Variants in CEP112 observed in about 807,000 individuals in gnomAD.
The protein encoded by CEP112 is centrosomal protein 112, also known as centrosomal protein of 112 kDa.
Under a neutral mutation model 153.0 loss-of-function variants are expected in CEP112, and 127 were observed. The ratio of observed to expected loss-of-function variants is 0.83; its 90% CI spans 0.72 to 0.96. The LOEUF (loss-of-function observed/expected upper bound fraction) is 0.96. Among genes scored for constraint, CEP112 ranks in the 40% least tolerant of loss-of-function variants. The pLI is 0.00. For missense variants in CEP112, 1,089 were observed against 1,101.2 expected, an observed-to-expected ratio of 0.99 and a Z score of 0.16; for synonymous variants, 358 against 374.4, an observed-to-expected ratio of 0.96 and a Z score of 0.51.
chr17:65,762,296 C>G (rs1252807103), intron 21 of CEP112, among the ~76,000 whole-genome samples: 6 of 151,442 alleles, frequency 4.0e-5, no homozygotes, highest in Non-Finnish European at 7.4e-5. Flanking sequence ...TTTTTTGATC[C>G]ATTTACTTTA....
chr17:65,981,558 G>C (rs2063226054), intron 17 of CEP112, among the ~76,000 whole-genome samples: 1 of 137,794 alleles, frequency 7.3e-6, no homozygotes, highest in Non-Finnish European at 1.6e-5. Context: ...TCTTTTCTCA[G>C]TCGTGGTTTT....
intron 8 of CEP112, among the ~76,000 whole-genome samples, chr17:66,071,220 T>C (rs1217994501): frequency 1.3e-5 from 2 of 152,044 alleles, no homozygotes; most frequent in African/African-American, 2.4e-5. Flanking sequence ...GTTAACATAA[T>C]ACAAATTCAT....
At chr17:65,970,760 T>TGTTAC (rs2062713130) in intron 17 of CEP112, among the ~76,000 whole-genome samples, 1 of 150,904 alleles carries the variant, frequency 6.6e-6, no homozygotes. Flanking sequence ...ACATTACAGG[T>TGTTAC]ATGTTACATG....
chr17:65,841,675 TA>T (rs1397182463), intron 21 of CEP112, among the ~76,000 whole-genome samples: 6 of 152,030 alleles, frequency 3.9e-5, no homozygotes, highest in Non-Finnish European at 5.9e-5. Flanking sequence ...AAAGAAAAGA[TA>T]AATGTTTGAG....
intron 20 of CEP112, among the ~76,000 whole-genome samples, chr17:65,871,581 G>A (rs746105581): frequency 2.6e-5 from 4 of 152,206 alleles, no homozygotes; most frequent in Non-Finnish European, 5.9e-5. Flanking sequence ...ATTACAGTGA[G>A]CCAAGATCGC....
At chr17:66,163,060 T>C (rs2146774828) in intron 4 of CEP112, among the ~76,000 whole-genome samples, 1 of 152,252 alleles carries the variant, frequency 6.6e-6, no homozygotes, top group South Asian at 2.1e-4. Context: ...GGTAAATAAC[T>C]GATTAACACA....
At chr17:65,755,670 T>TGGACATACCGTATAATGG (rs1204465758) in intron 21 of CEP112, among the ~76,000 whole-genome samples, 1 of 151,740 alleles carries the variant, frequency 6.6e-6, no homozygotes, top group African/African-American at 2.4e-5. Context: ...TAGAACCAAC[T>TGGACATACCGTATAATGG]GGACATACCG....
chr17:65,899,415 T>C (rs1255181637), intron 20 of CEP112, among the ~76,000 whole-genome samples: 1 of 152,144 alleles, frequency 6.6e-6, no homozygotes, highest in Non-Finnish European at 1.5e-5. Context: ...ATTACCTAAC[T>C]GAACCAAATA....
chr17:65,775,575 T>C (rs1598544547), intron 21 of CEP112, among the ~76,000 whole-genome samples: 1 of 152,190 alleles, frequency 6.6e-6, no homozygotes, highest in South Asian at 2.1e-4. Context: ...CGATCTTGGC[T>C]CACTGCAACC....
intron 23 of CEP112, among the ~76,000 whole-genome samples, chr17:65,723,786 T>C (rs960011567): frequency 2.0e-5 from 3 of 152,210 alleles, no homozygotes; most frequent in African/African-American, 4.8e-5. Context: ...TATTTACACA[T>C]AAAAATAATG....
At chr17:65,832,806 C>G (rs1392267307) in intron 21 of CEP112, among the ~76,000 whole-genome samples, 1 of 152,128 alleles carries the variant, frequency 6.6e-6, no homozygotes, top group Non-Finnish European at 1.5e-5. Context: ...CCTACTGAAA[C>G]TATTTCAAAA....
chr17:65,757,270 G>C (rs1382407497), intron 21 of CEP112, among the ~76,000 whole-genome samples: 1 of 152,176 alleles, frequency 6.6e-6, no homozygotes, highest in East Asian at 1.9e-4. Flanking sequence ...GGTGGGACGA[G>C]GGGAGGAGAT....
chr17:65,662,126 G>A (rs1019277421), intron 24 of CEP112, among the ~76,000 whole-genome samples: 10 of 152,100 alleles, frequency 6.6e-5, no homozygotes, highest in South Asian at 2.1e-4. Context: ...GCACCACCAC[G>A]CCTGACTAAG....
chr17:65,990,492 A>G (rs1197840282), intron 17 of CEP112, among the ~76,000 whole-genome samples: 1 of 152,242 alleles, frequency 6.6e-6, no homozygotes, highest in Non-Finnish European at 1.5e-5. Context: ...AGAGATTGTG[A>G]GGCTTTGCAT....
chr17:65,824,715 T>G (rs1172604710), intron 21 of CEP112, among the ~76,000 whole-genome samples: 1 of 152,132 alleles, frequency 6.6e-6, no homozygotes, highest in African/African-American at 2.4e-5. Context: ...ACAGCCTATT[T>G]ATGGAAAACA....
chr17:66,083,028 A>G (rs1457649018), intron 8 of CEP112, among the ~76,000 whole-genome samples: 1 of 152,184 alleles, frequency 6.6e-6, no homozygotes, highest in Non-Finnish European at 1.5e-5. Context: ...AAGACTCACT[A>G]AAACTTCAAC....
intron 23 of CEP112, among the ~76,000 whole-genome samples, chr17:65,710,777 T>C (rs866138850): frequency 6.6e-6 from 1 of 152,174 alleles, no homozygotes; most frequent in Non-Finnish European, 1.5e-5. Context: ...GCTTAAGAAG[T>C]GCACTGGCCA....
chr17:65,977,009 AT>A (rs2063062407), intron 17 of CEP112, among the ~76,000 whole-genome samples: 2 of 152,202 alleles, frequency 1.3e-5, no homozygotes, highest in African/African-American at 4.8e-5. Flanking sequence ...AAGTGCTGGA[AT>A]TACAGGAGTG....
Position 65,721,058 on chromosome 17 carries a change from A to G in CEP112, c.2607+22010T>C, listed in dbSNP as rs1048571209. Among the ~76,000 whole-genome samples, 18 of 134,148 alleles carry G rather than the reference A, an allele frequency of 1.3e-4. No homozygotes were observed. The Admixed American group carries it at 1.5e-3, about 11-fold the overall frequency. The allele number at this position is 134,148 out of a possible 152,430, so 88.0% of individuals were successfully genotyped here. A position where few individuals can be genotyped will look rare whatever the true frequency, so the allele number is the denominator to read the frequency against. On this transcript the variant is annotated intron_variant, in intron 23 of 26. Transcript: ENST00000535342. ...ACGGAGTCTCGCTCTGTTGTCCAGGATGGAGTGCAGTGGCATGATCTCGGC... is the reference window on the plus strand; with the variant it reads ...ACGGAGTCTCGCTCTGTTGTCCAGGGTGGAGTGCAGTGGCATGATCTCGGC...
Sources: gnomAD v4.1 joint callset for allele counts (sites outside exome capture counted in the v4.1 genomes callset) on GRCh38, gnomAD v4.1.1 for gene constraint, MANE v1.5 for transcripts, NCBI Gene and HGNC (gene_info 2026-07-23, HGNC 2026-07-21) for gene names.